Variants in MACROD2 observed in about 807,000 individuals in gnomAD.
The protein encoded by MACROD2 is mono-ADP ribosylhydrolase 2, also known as ADP-ribose glycohydrolase MACROD2.
MACROD2 carries 36 observed loss-of-function variants against 70.4 expected under a neutral mutation model. The ratio of observed to expected loss-of-function variants is 0.51; its 90% confidence interval spans 0.39 to 0.68. The LOEUF is 0.68. Among genes scored for constraint, MACROD2 ranks in the 30% least tolerant of loss-of-function variants. The pLI is 0.00. For missense variants in MACROD2, 496 were observed against 538.4 expected (o/e 0.92, Z 0.78); for synonymous variants, 172 against 178.8 (o/e 0.96, Z 0.30).
intron 5 of MACROD2, chr20:14,894,439 G>GCCA (rs2073802972): frequency 6.6e-6 from 1 of 151,948 alleles, no homozygotes. Context: ...CACCATGTTA[G>GCCA]CCAGGATGGT....
In MACROD2 at chr20:14,052,296, A is replaced by G. The variant is rs534653963; in HGVS notation, c.164-33325A>G. 1.1e-3 allele frequency among the ~76,000 whole-genome samples: 168 copies of G among 152,316 alleles called. 2 individuals carry two copies. Among genetic ancestry groups the G allele is most frequent in the South Asian group, 0.01 (50 of 4,828 alleles). ...ATTGCAGACTCATTTACATGATAAT[A>G]TGATTCATCAGGAACATTTAGGTAC... On this transcript the variant is annotated intron_variant, in intron 2 of 17. Transcript: ENST00000684519.
At chr20:15,719,006 T>A (rs1308507334) in intron 8 of MACROD2, among the ~76,000 whole-genome samples, 1 of 152,212 alleles carries the variant, frequency 6.6e-6, no homozygotes, top group South Asian at 2.1e-4. Context: ...TTAAACAGTT[T>A]TCTAATCCTA....
At chr20:14,118,842 ATT>A (rs1225541555) in intron 3 of MACROD2, among the ~76,000 whole-genome samples, 19 of 121,208 alleles carry the variant, frequency 1.6e-4, no homozygotes, top group South Asian at 2.7e-4. Flanking sequence ...AGTGACTGTG[ATT>A]TTTTTTTTTT....
At chr20:15,613,326 G>T (rs1384553266) in intron 8 of MACROD2, among the ~76,000 whole-genome samples, 1 of 152,186 alleles carries the variant, frequency 6.6e-6, no homozygotes, top group Non-Finnish European at 1.5e-5. Context: ...TTATTGGCAT[G>T]TGAGCATGGC....
At chr20:14,337,473 G>T in intron 3 of MACROD2, 1 of 397,474 alleles carries the variant, frequency 2.5e-6, no homozygotes, top group South Asian at 1.3e-4. Context: ...CAGTGAATTG[G>T]AGTAATAGCC....
At position 14,326,245 on chromosome 20, in the gene MACROD2, T is replaced by G. The variant is rs1427322976; in HGVS notation, c.272-167234T>G. ...AAGTTTCCAAGAGATATGAATGGTA[T>G]CAGAGGTGACAGACTTCACAGTAAT... is the stretch of plus-strand genomic sequence containing the variant. On this transcript the variant is annotated intron_variant, in intron 3 of 17. Transcript: ENST00000684519. This position sits in a 1 kb window ranked among gnomAD's most constrained non-coding sequence, Gnocchi z 5.5. The G allele has an allele frequency of 6.2e-7, 1 of 1,613,818 alleles. No homozygotes were observed. Among genetic ancestry groups the G allele is most frequent in the Non-Finnish European group, 8.5e-7 (1 of 1,179,872 alleles).
chr20:15,172,112 C>A (rs911894460), intron 5 of MACROD2, among the ~76,000 whole-genome samples: 3 of 152,262 alleles, frequency 2.0e-5, no homozygotes, highest in African/African-American at 2.4e-5. Context: ...TGAGATCAAT[C>A]ATAGGAGTCA....
chr20:15,240,772 C>T (rs1334075615), intron 6 of MACROD2, among the ~76,000 whole-genome samples: 1 of 152,010 alleles, frequency 6.6e-6, no homozygotes, highest in African/African-American at 2.4e-5. Context: ...AAGGATGGGG[C>T]CCTGAAGATG....
At position 14,313,045 on chromosome 20, in the gene MACROD2, G is replaced by A. The variant is rs556029405; in HGVS notation, c.272-180434G>A. Among the ~76,000 whole-genome samples, 27 of 152,260 alleles carry A rather than the reference G, an allele frequency of 1.8e-4. No homozygotes were observed. The South Asian group carries it at 5.2e-3, about 29-fold the overall frequency. On this transcript the variant is annotated intron_variant, in intron 3 of 17. Coordinates refer to ENST00000684519, the MANE Select transcript of MACROD2 (RefSeq NM_001351661.2). ...AAAAATGTCTACATTTAACATCTAC[G>A]TTAAGACACTTTGGTGTGTACATTA...
At chr20:14,151,915 G>A (rs562298445) in intron 3 of MACROD2, among the ~76,000 whole-genome samples, 69 of 143,702 alleles carry the variant, frequency 4.8e-4, no homozygotes, top group African/African-American at 1.6e-3. Flanking sequence ...TCTGCCCCCC[G>A]GGTTCATGCC....
intron 5 of MACROD2, among the ~76,000 whole-genome samples, chr20:14,965,498 T>A (rs2074626927): frequency 7.7e-6 from 1 of 129,842 alleles, no homozygotes; most frequent in African/African-American, 2.9e-5. Context: ...TCTCTCTCAG[T>A]CCCCCAGGCT....
At chr20:15,931,726 A>G (rs567059464) in intron 10 of MACROD2, among the ~76,000 whole-genome samples, 144 of 151,800 alleles carry the variant, frequency 9.5e-4, no homozygotes, top group African/African-American at 3.3e-3. Context: ...TCCTGTACGT[A>G]TATTTATTAA....
At chr20:14,213,361 C>CAAA (rs60009822) in intron 3 of MACROD2, among the ~76,000 whole-genome samples, 8,471 of 30,218 alleles carry the variant, frequency 0.28, 3,365 homozygotes, top group East Asian at 0.38. Context: ...CTTCTAGTGG[C>CAAA]AAAAAAAAAA....
chr20:15,550,162 A>G (rs2048076560), intron 8 of MACROD2, among the ~76,000 whole-genome samples: 1 of 151,812 alleles, frequency 6.6e-6, no homozygotes, highest in South Asian at 2.1e-4. Context: ...TGTAATCTAG[A>G]AAAGTTTCTC....
chr20:14,850,040 G>A (rs751120765), intron 5 of MACROD2: 1 of 501,386 alleles, frequency 2.0e-6, no homozygotes, highest in Admixed American at 2.1e-5. Context: ...GGTTAGGATT[G>A]TTACAGATCA....
At chr20:15,050,685 A>G (rs1354491100) in intron 5 of MACROD2, among the ~76,000 whole-genome samples, 1 of 151,642 alleles carries the variant, frequency 6.6e-6, no homozygotes, top group Non-Finnish European at 1.5e-5. Context: ...TGAGAGATGC[A>G]GGCTGCAGAC....
intron 15 of MACROD2, among the ~76,000 whole-genome samples, chr20:15,994,769 C>T (rs2066604846): frequency 6.6e-6 from 1 of 152,084 alleles, no homozygotes; most frequent in South Asian, 2.1e-4. Context: ...CACCTCCCTC[C>T]ATATTTATTA....
intron 5 of MACROD2, among the ~76,000 whole-genome samples, chr20:15,035,788 T>C (rs1386547168): frequency 1.3e-5 from 2 of 152,202 alleles, no homozygotes; most frequent in African/African-American, 4.8e-5. Context: ...TCTCCCCAAC[T>C]TGGGGCCTAC....
chr20:15,948,664 T>C (rs1028150665), intron 12 of MACROD2, among the ~76,000 whole-genome samples: 1 of 152,140 alleles, frequency 6.6e-6, no homozygotes, highest in African/African-American at 2.4e-5. Flanking sequence ...TAAAATAAAC[T>C]TCTTTTAAGG....
Sources: allele counts gnomAD v4.1 joint callset (sites outside exome capture counted in the v4.1 genomes callset), GRCh38; gene constraint gnomAD v4.1.1; non-coding constraint Gnocchi (gnomAD v3.1); transcripts MANE v1.5; gene names NCBI Gene and HGNC (gene_info 2026-07-23, HGNC 2026-07-21).